Variants in GRM5 observed in about 807,000 individuals in gnomAD.
GRM5 encodes the protein glutamate metabotropic receptor 5.
GRM5 carries 19 observed loss-of-function variants against 83.1 expected under a neutral mutation model. That is an observed-to-expected ratio of 0.23 (90% confidence interval 0.16 to 0.34). GRM5 has a LOEUF of 0.34. Among genes scored for constraint, GRM5 ranks in the 10% least tolerant of loss-of-function variants. The pLI is 1.00. For missense variants in GRM5, 1,160 were observed against 1,588.3 expected, an observed-to-expected ratio of 0.73 and a Z score of 4.58; for synonymous variants, 675 against 633.6, an observed-to-expected ratio of 1.07 and a Z score of -0.98.
At chr11:88,954,500 G>T (rs1247588177) in intron 2 of GRM5, among the ~76,000 whole-genome samples, 2 of 152,142 alleles carry the variant, frequency 1.3e-5, no homozygotes, top group African/African-American at 4.8e-5. Flanking sequence ...TAACAATTTA[G>T]TAATATAATC....
chr11:88,579,966 C>G (rs1240037323), intron 7 of GRM5, among the ~76,000 whole-genome samples: 1 of 152,134 alleles, frequency 6.6e-6, no homozygotes, highest in Non-Finnish European at 1.5e-5. Flanking sequence ...GACACTTTTA[C>G]TGGAGGTAGT....
chr11:88,759,981 G>C (rs1305760050), intron 3 of GRM5, among the ~76,000 whole-genome samples: 1 of 152,092 alleles, frequency 6.6e-6, no homozygotes, highest in African/African-American at 2.4e-5. Flanking sequence ...TGACTTTGGG[G>C]TAAATAATGA....
At chr11:88,668,295 TCGCACA>T (rs1178246965) in intron 3 of GRM5, among the ~76,000 whole-genome samples, 167 of 81,756 alleles carry the variant, frequency 2.0e-3, no homozygotes, top group Middle Eastern at 0.019. Flanking sequence ...CCCCAGAAAC[TCGCACA>T]CACACACACA....
chr11:88,608,234 G>A (rs2135237157), intron 4 of GRM5, among the ~76,000 whole-genome samples: 1 of 152,198 alleles, frequency 6.6e-6, no homozygotes, highest in East Asian at 1.9e-4. Flanking sequence ...TGTCACACAA[G>A]TTGGTAACCA....
intron 2 of GRM5, among the ~76,000 whole-genome samples, chr11:89,002,120 T>G (rs1314086268): frequency 6.6e-6 from 1 of 152,148 alleles, no homozygotes; most frequent in Admixed American, 6.6e-5. Flanking sequence ...GATTCTTGGA[T>G]TGAACATATT....
chr11:88,940,429 T>G (rs1938053796), intron 2 of GRM5, among the ~76,000 whole-genome samples: 1 of 151,010 alleles, frequency 6.6e-6, no homozygotes, highest in Admixed American at 6.6e-5. Context: ...AAAGAAGACT[T>G]TTTAATGGGA....
chr11:88,985,718 C>T (rs1355248951), intron 2 of GRM5, among the ~76,000 whole-genome samples: 1 of 152,120 alleles, frequency 6.6e-6, no homozygotes, highest in Non-Finnish European at 1.5e-5. Flanking sequence ...ATTATCATAG[C>T]AACACTAAAG....
At chr11:88,575,858 C>T (rs1214708480) in intron 7 of GRM5, among the ~76,000 whole-genome samples, 2 of 137,254 alleles carry the variant, frequency 1.5e-5, no homozygotes, top group African/African-American at 7.2e-5. Flanking sequence ...GTTTTAGATT[C>T]CTTAATAGAA....
chr11:88,749,256 G>C (rs539218705), intron 3 of GRM5, among the ~76,000 whole-genome samples: 46 of 152,276 alleles, frequency 3.0e-4, no homozygotes, highest in African/African-American at 9.9e-4. Flanking sequence ...CATAACTGAT[G>C]TAATGGAGAT....
At chr11:88,840,512 C>A (rs1171630373) in intron 3 of GRM5, among the ~76,000 whole-genome samples, 1 of 152,100 alleles carries the variant, frequency 6.6e-6, no homozygotes, top group Non-Finnish European at 1.5e-5. Flanking sequence ...CTCATGATTT[C>A]CTTGATTGGC....
intron 3 of GRM5, among the ~76,000 whole-genome samples, chr11:88,757,827 C>G (rs1202777913): frequency 1.3e-5 from 2 of 152,112 alleles, no homozygotes; most frequent in Non-Finnish European, 2.9e-5. Context: ...AATGCTTTGG[C>G]ACCTCCCATT....
chr11:88,940,794 G>A (rs1273685283), intron 2 of GRM5, among the ~76,000 whole-genome samples: 1 of 151,840 alleles, frequency 6.6e-6, no homozygotes, highest in Admixed American at 6.6e-5. Flanking sequence ...GAAAAAAAGT[G>A]ACTAAACGTA....
At chr11:88,620,801 C>T (rs1460541049) in intron 4 of GRM5, among the ~76,000 whole-genome samples, 1 of 152,174 alleles carries the variant, frequency 6.6e-6, no homozygotes, top group Non-Finnish European at 1.5e-5. Context: ...CCTGTAGAGA[C>T]ACCAGTTCAT....
intron 3 of GRM5, among the ~76,000 whole-genome samples, chr11:88,818,516 G>T (rs987669918): frequency 4.6e-5 from 7 of 152,040 alleles, no homozygotes; most frequent in Admixed American, 1.3e-4. Flanking sequence ...CTAGTAGCAA[G>T]ATTAGATTTA....
chr11:88,549,016 A>G (rs937243272), intron 8 of GRM5, among the ~76,000 whole-genome samples: 4 of 152,226 alleles, frequency 2.6e-5, no homozygotes, highest in African/African-American at 9.6e-5. Context: ...TAACCTGATG[A>G]GTTTTATAGG....
Position 88,509,417 on chromosome 11 carries a change from G to A in GRM5, c.2814C>T (p.Asn938=). The stretch of plus-strand genomic sequence containing the variant: ...CCGTTTGGTTGGGGTTTTCTTTCTT[G>A]TTGATGTGGATGGACAGGCGCTGCC... ...HLWQRLSIHI[N]KKENPNQTAV... is the part of the protein sequence containing the mutation. The change falls in exon 10 of 10, where the codon AAC becomes AAT. Residue 938 remains asparagine, a synonymous_variant. Transcript: ENST00000305447. The A allele has an allele frequency of 6.2e-7, 1 of 1,612,930 alleles. No individual in the cohort carries two copies. Among genetic ancestry groups the A allele is most frequent in the Non-Finnish European group, 8.5e-7 (1 of 1,179,898 alleles).
intron 2 of GRM5, among the ~76,000 whole-genome samples, chr11:88,896,456 G>T (rs1432749108): frequency 6.6e-6 from 1 of 151,628 alleles, no homozygotes; most frequent in East Asian, 1.9e-4. Flanking sequence ...GTATTTTAGG[G>T]TTCAACAGAG....
At chr11:88,867,476 G>A (rs1354394534) in intron 2 of GRM5, among the ~76,000 whole-genome samples, 3 of 151,650 alleles carry the variant, frequency 2.0e-5, no homozygotes, top group African/African-American at 4.8e-5. Context: ...TTTTTCATAA[G>A]AAGTTTATAT....
intron 2 of GRM5, among the ~76,000 whole-genome samples, chr11:89,030,363 T>A (rs1941234003): frequency 6.6e-6 from 1 of 152,064 alleles, no homozygotes; most frequent in South Asian, 2.1e-4. Context: ...TCTCAAAATA[T>A]CAACACCATC....
Sources: allele counts gnomAD v4.1 joint callset (sites outside exome capture counted in the v4.1 genomes callset), GRCh38; gene constraint gnomAD v4.1.1; transcripts MANE v1.5; gene names NCBI Gene and HGNC (gene_info 2026-07-23, HGNC 2026-07-21).